The following CTNNB1 variants were observed in gnomAD, a reference collection of about 807,000 sequenced individuals.
The protein encoded by CTNNB1 is catenin beta-1.
A neutral mutation model predicts 82.5 loss-of-function variants in CTNNB1; 6 were observed. The ratio of observed to expected loss-of-function variants is 0.07; its 90% CI spans 0.04 to 0.14. The LOEUF (loss-of-function observed/expected upper bound fraction) is 0.14, where lower values mean the gene tolerates loss of function less well. Among genes scored for constraint, CTNNB1 ranks in the 10% least tolerant of loss-of-function variants. The pLI, the probability that CTNNB1 is intolerant of heterozygous loss-of-function variation, is 1.00. For synonymous variants in CTNNB1, 312 were observed against 329.7 expected, an observed-to-expected ratio of 0.95 and a Z score of 0.58; for missense variants, 529 against 980.4, an observed-to-expected ratio of 0.54 and a Z score of 6.15.
At chr3:41,222,405 C>T (rs976766366) in intron 1 of CTNNB1, 1 of 152,188 alleles carries the variant, frequency 6.6e-6, no homozygotes, top group African/African-American at 2.4e-5. Flanking sequence ...GTTTTTACTT[C>T]TCTATCTACT....
intron 1 of CTNNB1, among the ~76,000 whole-genome samples, chr3:41,202,538 A>G (rs1205788009): frequency 6.6e-6 from 1 of 152,222 alleles, no homozygotes; most frequent in Admixed American, 6.5e-5. Flanking sequence ...TTTATACCAT[A>G]AAAGTAAATA....
At chr3:41,233,905 T>C (rs2078368538) in intron 9 of CTNNB1, 38 bp downstream of exon 9, 2 of 1,604,120 alleles carry the variant, frequency 1.2e-6, no homozygotes, top group South Asian at 1.1e-5. Flanking sequence ...TGTTGCAGAA[T>C]TGAAAATGAA....
At position 41,225,599 on chromosome 3, in the gene CTNNB1, A is replaced by G. The variant is rs747841815; in HGVS notation, c.734+27A>G. The G allele has an allele frequency of 1.3e-5, 21 of 1,613,878 alleles. No individual in the cohort carries two copies. In the East Asian group the frequency reaches 3.3e-4, roughly 26 times the overall value. On this transcript the variant is annotated intron_variant, in intron 5 of 14. Transcript: ENST00000349496. The surrounding 1 kb of genome is among the most constrained non-coding windows in gnomAD (Gnocchi z 5.3). ...TAAGAAAACATGTCAGAATGCTTGAAGCTAAAAAGTAGAAGAGTATACTCA... is the reference window on the plus strand; with the variant it reads ...TAAGAAAACATGTCAGAATGCTTGAGGCTAAAAAGTAGAAGAGTATACTCA...
rs1005628566 is a variant in CTNNB1 at position 41,224,045 on chromosome 3, T to C, written c.-24T>C. On this transcript the variant is annotated 5_prime_UTR_variant, in exon 2 of 15. Transcript: ENST00000349496. ...GGGTATTTGAAGTATACCATACAAC[T>C]GTTTTGAAAATCCAGCGTGGACAAT... 6.2e-7 allele frequency: 1 copy of C among 1,613,196 alleles called. No individual in the cohort carries two copies. Among genetic ancestry groups the C allele is most frequent in the Non-Finnish European group, 8.5e-7 (1 of 1,179,200 alleles).
intron 1 of CTNNB1, among the ~76,000 whole-genome samples, chr3:41,213,253 T>G (rs1245730764): frequency 4.6e-5 from 7 of 152,204 alleles, no homozygotes; most frequent in Admixed American, 4.6e-4. Context: ...TTTTGTGTGT[T>G]ATTTTCTATT....
chr3:41,228,234 C>G (rs1254538746), intron 7 of CTNNB1, among the ~76,000 whole-genome samples: 1 of 152,096 alleles, frequency 6.6e-6, no homozygotes, highest in Non-Finnish European at 1.5e-5. Flanking sequence ...TGGGCATATA[C>G]CTAATAATAG....
chr3:41,215,382 C>CAAAA (rs35166040), intron 1 of CTNNB1, among the ~76,000 whole-genome samples: 54 of 48,686 alleles, frequency 1.1e-3, no homozygotes, highest in Admixed American at 1.7e-3. Flanking sequence ...AACACCATCT[C>CAAAA]AAAAAAAAAA....
intron 7 of CTNNB1, among the ~76,000 whole-genome samples, chr3:41,227,556 C>G (rs913395537): frequency 6.6e-6 from 1 of 152,192 alleles, no homozygotes; most frequent in Middle Eastern, 3.4e-3. Flanking sequence ...TTCTTATTAT[C>G]CATCAAAAAT....
chr3:41,210,371 G>A (rs565298556), intron 1 of CTNNB1, among the ~76,000 whole-genome samples: 5 of 152,196 alleles, frequency 3.3e-5, no homozygotes, highest in Non-Finnish European at 5.9e-5. Flanking sequence ...GGAGAATGGC[G>A]TGAACCCAGG....
chr3:41,225,258 A>AGG lies in CTNNB1; in HGVS notation c.495+54_495+55dup. 6.2e-7 allele frequency: 1 copy of AGG among 1,613,940 alleles called. No individual in the cohort carries two copies. Among genetic ancestry groups the AGG allele is most frequent in the Non-Finnish European group, 8.5e-7 (1 of 1,179,880 alleles). ...TAGTCTGCTTTGAAGTAAATGCTCA[A>AGG]GGGGAGTAGTTTCAGAATGTCTACC... On this transcript the variant is annotated intron_variant, in intron 4 of 14. Transcript: ENST00000349496. The surrounding 1 kb of genome is among the most constrained non-coding windows in gnomAD (Gnocchi z 5.3).
At chr3:41,205,706 A>G (rs2077633661) in intron 1 of CTNNB1, among the ~76,000 whole-genome samples, 2 of 152,198 alleles carry the variant, frequency 1.3e-5, no homozygotes, top group African/African-American at 4.8e-5. Context: ...TTAGTCTTCA[A>G]ACTCCGTGTT....
intron 10 of CTNNB1, 159 bp from the exon 11 acceptor site, chr3:41,235,565 C>A: frequency 3.2e-6 from 3 of 923,570 alleles, no homozygotes; most frequent in South Asian, 1.4e-5. Flanking sequence ...GGCCTCTTTT[C>A]AGTGACATTC....
intron 1 of CTNNB1, among the ~76,000 whole-genome samples, chr3:41,222,509 A>G (rs377451048): frequency 7.2e-4 from 110 of 152,350 alleles, no homozygotes; most frequent in African/African-American, 2.6e-3. Flanking sequence ...GCTAAAAAAT[A>G]TATATGTAAT....
At chr3:41,200,417 T>TA (rs1170374464) in intron 1 of CTNNB1, 1 of 152,048 alleles carries the variant, frequency 6.6e-6, no homozygotes, top group Non-Finnish European at 1.5e-5. Flanking sequence ...CTGGGAGTCT[T>TA]ATGGATTTAT....
chr3:41,222,403 T>A (rs966265622), intron 1 of CTNNB1: 1 of 152,244 alleles, frequency 6.6e-6, no homozygotes, highest in African/African-American at 2.4e-5. Flanking sequence ...TTGTTTTTAC[T>A]TCTCTATCTA....
chr3:41,240,062 G>A lies in CTNNB1; in HGVS notation c.*720G>A, dbSNP rs1004269992. On this transcript the variant is annotated 3_prime_UTR_variant, in exon 15 of 15. Coordinates refer to ENST00000349496, the MANE Select transcript of CTNNB1 (RefSeq NM_001904.4). ...GTAGTGTTAAGTTATAGTGAATACT[G>A]CTACAGCAATTTCTAATTTTTAAGA... 1 of 157,074 alleles carries A rather than the reference G, an allele frequency of 6.4e-6. No homozygotes were observed. Among genetic ancestry groups the A allele is most frequent in the East Asian group, 9.8e-5 (1 of 10,180 alleles). The allele number at this position is 157,074 out of a possible 1,614,324, so 9.7% of individuals were successfully genotyped here. A position where few individuals can be genotyped will look rare whatever the true frequency, so the allele number is the denominator to read the frequency against.
intron 1 of CTNNB1, chr3:41,221,767 C>A (rs947287302): frequency 6.6e-6 from 1 of 152,122 alleles, no homozygotes; most frequent in Admixed American, 6.5e-5. Flanking sequence ...TTTTTAAGCA[C>A]TCCTCCCTCT....
chr3:41,236,079 G>A lies in CTNNB1; in HGVS notation c.1803+236G>A, dbSNP rs903394749. ...GGAGAGCTGACCTGGGCTGCCAGAG[G>A]CAGGGCATAGACCCCCAACCAATTC... On this transcript the variant is annotated intron_variant, in intron 11 of 14. Transcript: ENST00000349496. 3 of 680,568 alleles carry A rather than the reference G, an allele frequency of 4.4e-6. No homozygotes were observed. In the Admixed American group the frequency reaches 8.2e-5, roughly 19 times the overall value. 42.2% of individuals were successfully genotyped at this position (680,568 alleles called of 1,614,324 possible).
Position 41,233,833 on chromosome 3 carries a change from T to C in CTNNB1, c.1490T>C (p.Leu497Pro). Residue 497 changes from leucine (L) to proline (P), a missense_variant, in exon 9 of 15, where the codon CTC becomes CCC. This residue lies in a region of CTNNB1 where 411 missense variants were observed against 776.4 expected (regional missense o/e 0.53). Coordinates refer to ENST00000349496, the MANE Select transcript of CTNNB1 (RefSeq NM_001904.4). ...LHYGLPVVVKLLHPPSHWPLI... is the reference protein window; with the variant it reads ...LHYGLPVVVKPLHPPSHWPLI... ...TATGGACTACCAGTTGTGGTTAAGCTCTTACACCCACCATCCCACTGGCCT... is the reference window on the plus strand; with the variant it reads ...TATGGACTACCAGTTGTGGTTAAGCCCTTACACCCACCATCCCACTGGCCT... 6.2e-7 allele frequency: 1 copy of C among 1,613,916 alleles called. No individual in the cohort carries two copies. Among genetic ancestry groups the C allele is most frequent in the Non-Finnish European group, 8.5e-7 (1 of 1,179,964 alleles).
Sources: allele counts gnomAD v4.1 joint callset (sites outside exome capture counted in the v4.1 genomes callset), GRCh38; gene constraint gnomAD v4.1.1; regional missense constraint gnomAD v4.1.1; non-coding constraint Gnocchi (gnomAD v3.1); transcripts MANE v1.5; gene names NCBI Gene and HGNC (gene_info 2026-07-23, HGNC 2026-07-21).